EPHA6: variants seen among roughly 807,000 people sequenced by gnomAD.
EPHA6 encodes ephrin type-A receptor 6.
Under a neutral mutation model 112.0 loss-of-function variants are expected in EPHA6, and 50 were observed. The ratio of observed to expected loss-of-function variants is 0.45; its 90% CI spans 0.36 to 0.56. The LOEUF is 0.56. Among genes scored for constraint, EPHA6 ranks in the 20% least tolerant of loss-of-function variants. EPHA6 has a pLI of 0.00. For synonymous variants in EPHA6, 529 were observed against 490.7 expected, an observed-to-expected ratio of 1.08 and a Z score of -1.03; for missense variants, 1,280 against 1,417.4, an observed-to-expected ratio of 0.90 and a Z score of 1.56.
intron 5 of EPHA6, among the ~76,000 whole-genome samples, chr3:97,286,520 AC>A (rs1239741666): frequency 1.5e-4 from 23 of 152,090 alleles, no homozygotes; most frequent in Admixed American, 1.4e-3. Context: ...TGTTCCTGGC[AC>A]CTTTGTTGAA....
intron 3 of EPHA6, among the ~76,000 whole-genome samples, chr3:97,090,626 CAA>C (rs751917472): frequency 2.6e-5 from 4 of 152,040 alleles, no homozygotes; most frequent in Non-Finnish European, 5.9e-5. Flanking sequence ...TTACATTTGA[CAA>C]GAGAAACACC....
At chr3:97,507,384 A>C (rs954782769) in intron 10 of EPHA6, among the ~76,000 whole-genome samples, 1 of 152,134 alleles carries the variant, frequency 6.6e-6, no homozygotes, top group African/African-American at 2.4e-5. Flanking sequence ...GGAGTGTCGA[A>C]TTTTATCGAA....
chr3:97,712,282 G>A (rs1320535432), intron 14 of EPHA6, among the ~76,000 whole-genome samples: 1 of 152,050 alleles, frequency 6.6e-6, no homozygotes, highest in African/African-American at 2.4e-5. Flanking sequence ...CTGTACAGCT[G>A]GGTTTAAAAA....
At chr3:97,107,485 A>G (rs1015885521) in intron 3 of EPHA6, among the ~76,000 whole-genome samples, 1 of 152,132 alleles carries the variant, frequency 6.6e-6, no homozygotes, top group Non-Finnish European at 1.5e-5. Flanking sequence ...GTCTGTACTT[A>G]TCTACTTTTA....
At chr3:97,673,632 C>T (rs1438704462) in intron 14 of EPHA6, among the ~76,000 whole-genome samples, 1 of 152,184 alleles carries the variant, frequency 6.6e-6, no homozygotes, top group Non-Finnish European at 1.5e-5. Context: ...AGCGAACAAG[C>T]TTTCCCCAAA....
intron 14 of EPHA6, among the ~76,000 whole-genome samples, chr3:97,673,184 A>G (rs768072128): frequency 6.6e-6 from 1 of 152,226 alleles, no homozygotes; most frequent in Non-Finnish European, 1.5e-5. Context: ...CCTTGAAGTC[A>G]GAGTTGAATG....
intron 7 of EPHA6, among the ~76,000 whole-genome samples, chr3:97,460,346 C>T (rs1025520113): frequency 6.6e-6 from 1 of 152,080 alleles, no homozygotes. Context: ...TTTTGGTTTC[C>T]TCATGGGAAA....
intron 5 of EPHA6, among the ~76,000 whole-genome samples, chr3:97,317,367 G>A (rs527696049): frequency 6.6e-6 from 1 of 151,948 alleles, no homozygotes; most frequent in East Asian, 1.9e-4. Context: ...TTGCCCTGAT[G>A]TGTAACCCAA....
intron 11 of EPHA6, among the ~76,000 whole-genome samples, chr3:97,537,222 T>C (rs2092776642): frequency 6.6e-6 from 1 of 152,200 alleles, no homozygotes; most frequent in Non-Finnish European, 1.5e-5. Context: ...GGGTAAAATA[T>C]TCTGTATGTC....
intron 3 of EPHA6, among the ~76,000 whole-genome samples, chr3:97,129,529 A>G (rs377228432): frequency 6.6e-6 from 1 of 151,646 alleles, no homozygotes; most frequent in East Asian, 1.9e-4. Context: ...AAAAAAAAAA[A>G]CAACAAAAAA....
intron 11 of EPHA6, among the ~76,000 whole-genome samples, chr3:97,580,522 G>A (rs762438823): frequency 1.3e-5 from 2 of 152,074 alleles, no homozygotes; most frequent in Non-Finnish European, 2.9e-5. Context: ...CTTATGGGAC[G>A]GGATGTATTT....
At chr3:96,996,265 CA>C (rs1304270082) in intron 3 of EPHA6, among the ~76,000 whole-genome samples, 1 of 152,044 alleles carries the variant, frequency 6.6e-6, no homozygotes, top group Non-Finnish European at 1.5e-5. Flanking sequence ...ACAACATCTG[CA>C]GTTATTTTCT....
intron 3 of EPHA6, among the ~76,000 whole-genome samples, chr3:97,026,814 G>T (rs1326998055): frequency 6.6e-6 from 1 of 152,068 alleles, no homozygotes; most frequent in South Asian, 2.1e-4. Context: ...GGAGAAAAAA[G>T]AAATCATATT....
At chr3:97,356,300 G>C (rs1435646936) in intron 5 of EPHA6, among the ~76,000 whole-genome samples, 1 of 152,162 alleles carries the variant, frequency 6.6e-6, no homozygotes, top group Non-Finnish European at 1.5e-5. Flanking sequence ...ACATTATGGT[G>C]AGCTGTATAA....
intron 8 of EPHA6, among the ~76,000 whole-genome samples, chr3:97,476,810 G>A (rs930449262): frequency 2.0e-5 from 3 of 152,044 alleles, no homozygotes; most frequent in Non-Finnish European, 4.4e-5. Context: ...GTGAAATTAA[G>A]TGGAAAGAAG....
rs776466394 is a variant in EPHA6 at position 96,814,659 on chromosome 3, C to T, written c.36C>T (p.Ser12=). 7 of 1,479,486 alleles carry T rather than the reference C, an allele frequency of 4.7e-6. No homozygotes were observed. Among genetic ancestry groups the T allele is most frequent in the East Asian group, 2.3e-5 (1 of 42,614 alleles). The allele number at this position is 1,479,486 out of a possible 1,614,324, so 91.6% of individuals were successfully genotyped here. ...QFPSPPAARS[S]PAPQAASSSE... Reference sequence around the variant, plus strand: ...CCTCGCCTCCAGCCGCGAGGAGCTCCCCGGCGCCGCAGGCAGCGTCCTCCT... The same window carrying T: ...CCTCGCCTCCAGCCGCGAGGAGCTCTCCGGCGCCGCAGGCAGCGTCCTCCT... Residue 12 remains serine, a synonymous_variant, in exon 1 of 18, where the codon TCC becomes TCT. Coordinates refer to ENST00000389672, the MANE Select transcript of EPHA6 (RefSeq NM_001080448.3).
chr3:97,191,629 T>C (rs1277361950), intron 3 of EPHA6, among the ~76,000 whole-genome samples: 1 of 152,056 alleles, frequency 6.6e-6, no homozygotes, highest in Non-Finnish European at 1.5e-5. Context: ...GTTCCATCTA[T>C]GTTGTTGCAA....
At chr3:97,460,136 G>C (rs577412062) in intron 7 of EPHA6, among the ~76,000 whole-genome samples, 1 of 152,352 alleles carries the variant, frequency 6.6e-6, no homozygotes. Flanking sequence ...CAGTAACATA[G>C]AGGTACATTC....
At chr3:96,901,430 TG>T (rs1419599770) in intron 2 of EPHA6, among the ~76,000 whole-genome samples, 2 of 152,124 alleles carry the variant, frequency 1.3e-5, no homozygotes, top group Non-Finnish European at 2.9e-5. Flanking sequence ...TGTGACTTAT[TG>T]GATTCAGGAC....
Sources: gnomAD v4.1 joint callset for allele counts (sites outside exome capture counted in the v4.1 genomes callset) on GRCh38, gnomAD v4.1.1 for gene constraint, MANE v1.5 for transcripts, NCBI Gene and HGNC (gene_info 2026-07-23, HGNC 2026-07-21) for gene names.